CKAP2L: variants seen among roughly 807,000 people sequenced by gnomAD.
CKAP2L encodes cytoskeleton associated protein 2L.
In CKAP2L, 42 loss-of-function variants were observed where a neutral mutation model predicts 65.7. The ratio of observed to expected loss-of-function variants is 0.64; its 90% confidence interval spans 0.50 to 0.83. CKAP2L has a LOEUF of 0.83. Ranked by LOEUF, CKAP2L falls within the 40% of genes least tolerant of loss-of-function variation. CKAP2L has a pLI of 0.00. For synonymous variants in CKAP2L, 325 were observed against 313.5 expected, an observed-to-expected ratio of 1.04 and a Z score of -0.39; for missense variants, 908 against 871.0, an observed-to-expected ratio of 1.04 and a Z score of -0.53.
chr2:112,746,541 G>T lies in CKAP2L; in HGVS notation c.1637C>A (p.Ser546Tyr). Residue 546 changes from serine to tyrosine, a missense_variant, in exon 6 of 9, where the codon TCC (serine) becomes TAC (tyrosine). Coordinates refer to ENST00000302450, the MANE Select transcript of CKAP2L (RefSeq NM_152515.5). The stretch of plus-strand genomic sequence containing the variant: ...AAATTTTTCAGCTTCAGGAATGCTG[G>T]ACAATATGTTAAGTATTTCATTAGA... ...VPSNEILNIL[S>Y]SIPEAEKFAK... 2 of 1,612,992 alleles carry T rather than the reference G, an allele frequency of 1.2e-6. No individual in the cohort carries two copies. The highest frequency in any genetic ancestry group is 1.7e-6 in the Non-Finnish European group (2 of 1,179,290).
chr2:112,750,567 T>A (rs1680342442), intron 5 of CKAP2L, among the ~76,000 whole-genome samples: 1 of 152,204 alleles, frequency 6.6e-6, no homozygotes, highest in South Asian at 2.1e-4. Context: ...CCCTCCCAGT[T>A]TTCCCTGGAG....
intron 1 of CKAP2L, among the ~76,000 whole-genome samples, chr2:112,763,394 A>C (rs562116503): frequency 6.6e-6 from 1 of 152,156 alleles, no homozygotes; most frequent in African/African-American, 2.4e-5. Context: ...TGTTGGTACT[A>C]AGGATAAAAT....
In CKAP2L at chr2:112,755,985, C is replaced by T; in HGVS notation, c.1386G>A (p.Glu462=). Residue 462 remains glutamate, a synonymous_variant, in exon 4 of 9, where the codon GAG becomes GAA. Transcript: ENST00000302450. ...NPNIKKKATA[E]DRRKQLEEWQ... ...GAATTAAAGCAAAGTACCTTCGATC[C>T]TCTGCTGTTGCCTTCTTTTTAATAT... is the stretch of plus-strand genomic sequence containing the variant. The T allele has an allele frequency of 1.3e-6, 2 of 1,572,220 alleles. No homozygotes were observed. Among genetic ancestry groups the T allele is most frequent in the African/African-American group, 2.7e-5 (2 of 72,812 alleles).
At chr2:112,748,066 T>C (rs1680257445) in intron 5 of CKAP2L, among the ~76,000 whole-genome samples, 2 of 152,200 alleles carry the variant, frequency 1.3e-5, no homozygotes, top group African/African-American at 2.4e-5. Flanking sequence ...CTGAAGGATA[T>C]ATCCATTACT....
chr2:112,738,586 T>C lies in CKAP2L; in HGVS notation c.*237A>G. 1 of 520,494 alleles carries C rather than the reference T, an allele frequency of 1.9e-6. No individual in the cohort carries two copies. The highest frequency in any genetic ancestry group is 3.2e-5 in the East Asian group (1 of 30,842). 32.2% of individuals were successfully genotyped at this position (520,494 alleles called of 1,614,324 possible). A position where few individuals can be genotyped will look rare whatever the true frequency, so the allele number is the denominator to read the frequency against. The stretch of plus-strand genomic sequence containing the variant: ...TTTATCATAGTTGTAGGGTAAATAT[T>C]CAAAAGTTTGAAATTTATGTATACT... On this transcript the variant is annotated 3_prime_UTR_variant, in exon 9 of 9. Coordinates refer to ENST00000302450, the MANE Select transcript of CKAP2L (RefSeq NM_152515.5).
At chr2:112,763,094 C>T (rs1680778980) in intron 1 of CKAP2L, among the ~76,000 whole-genome samples, 1 of 152,180 alleles carries the variant, frequency 6.6e-6, no homozygotes, top group African/African-American at 2.4e-5. Flanking sequence ...CCTAAATTTA[C>T]ATTATTGCTT....
intron 1 of CKAP2L, chr2:112,763,908 A>G (rs932811879): frequency 1.3e-5 from 2 of 152,304 alleles, no homozygotes; most frequent in African/African-American, 2.4e-5. Flanking sequence ...CTTGTTATGT[A>G]AAGTGCCTAG....
At chr2:112,761,582 T>C (rs1573240074) in intron 2 of CKAP2L, among the ~76,000 whole-genome samples, 1 of 136,412 alleles carries the variant, frequency 7.3e-6, no homozygotes, top group South Asian at 2.2e-4. Context: ...ACATGAAATA[T>C]AGCTAGTGAG....
intron 6 of CKAP2L, among the ~76,000 whole-genome samples, chr2:112,743,142 T>C (rs759028546): frequency 1.4e-4 from 21 of 152,134 alleles, no homozygotes; most frequent in Admixed American, 3.9e-4. Flanking sequence ...ATTTTATATA[T>C]AGATATAGAT....
In CKAP2L at chr2:112,756,612, A is replaced by G; in HGVS notation, c.759T>C (p.Thr253=). 6.2e-7 allele frequency: 1 copy of G among 1,612,902 alleles called. No homozygotes were observed. Among genetic ancestry groups the G allele is most frequent in the Non-Finnish European group, 8.5e-7 (1 of 1,179,670 alleles). ...AGAGTTGCTGTGATTTTACTGGGAA[A>G]GTCCTGCTTTGTGTTTCTCCAACAA... ...KQFVGETQSR[T]FPVKSQQLSR... is the part of the protein sequence containing the mutation. The change falls in exon 4 of 9, where the codon ACT becomes ACC. Residue 253 remains threonine (T), a synonymous_variant. Transcript: ENST00000302450.
intron 4 of CKAP2L, among the ~76,000 whole-genome samples, chr2:112,755,168 T>C (rs1437588018): frequency 6.6e-6 from 1 of 152,228 alleles, no homozygotes; most frequent in Non-Finnish European, 1.5e-5. Context: ...TATACATATG[T>C]GCTTCTCCTG....
intron 4 of CKAP2L, among the ~76,000 whole-genome samples, chr2:112,754,258 T>A (rs907989556): frequency 6.6e-6 from 1 of 152,194 alleles, no homozygotes; most frequent in Admixed American, 6.5e-5. Context: ...TTTTGGTTTT[T>A]CCAGAATGCC....
In CKAP2L at chr2:112,736,465, GTTTT is replaced by G. The variant is rs909840387; in HGVS notation, c.*2354_*2357del. The G allele has an allele frequency of 2.0e-5, 3 of 152,086 alleles. No individual in the cohort carries two copies. Among genetic ancestry groups the G allele is most frequent in the Admixed American group, 6.6e-5 (1 of 15,266 alleles). 9.4% of individuals were successfully genotyped at this position (152,086 alleles called of 1,614,324 possible). The stretch of plus-strand genomic sequence containing the variant: ...GAAGCAGATTAACATTATCATCTCA[GTTTT>G]TTTGTGATAATAGCAGCTAAAATCT... On this transcript the variant is annotated 3_prime_UTR_variant, in exon 9 of 9. Transcript: ENST00000302450.
chr2:112,740,594 T>C lies in CKAP2L; in HGVS notation c.2012+224A>G, dbSNP rs568131854. ...AACCATACCCAGCTGTGTCAGGACTTGCAGGAAAGGCAGATAGGATCTGCA... is the reference window on the plus strand; with the variant it reads ...AACCATACCCAGCTGTGTCAGGACTCGCAGGAAAGGCAGATAGGATCTGCA... On this transcript the variant is annotated intron_variant, in intron 8 of 8. Transcript: ENST00000302450. Among the ~76,000 whole-genome samples, 223 of 152,248 alleles carry C rather than the reference T, an allele frequency of 1.5e-3. No homozygotes were observed. The highest frequency in any genetic ancestry group is 2.6e-3 in the Non-Finnish European group (178 of 68,020).
In CKAP2L at chr2:112,756,865, A is replaced by G. The variant is rs1680557827; in HGVS notation, c.506T>C (p.Ile169Thr). ...ATCCAAAGATTCGTTTTCAACATGG[A>G]TATTATTCATAAAGTCTATACATTT... ...NGKCIDFMNN[I>T]HVENESLDNF... The change falls in exon 4 of 9, where the codon ATC becomes ACC. Residue 169 changes from isoleucine to threonine, a missense_variant. Coordinates refer to ENST00000302450, the MANE Select transcript of CKAP2L (RefSeq NM_152515.5). 1.2e-6 allele frequency: 2 copies of G among 1,607,272 alleles called. No homozygotes were observed. Among genetic ancestry groups the G allele is most frequent in the African/African-American group, 1.3e-5 (1 of 74,292 alleles).
intron 4 of CKAP2L, among the ~76,000 whole-genome samples, chr2:112,755,287 T>C (rs1173664505): frequency 6.6e-6 from 1 of 152,196 alleles, no homozygotes; most frequent in African/African-American, 2.4e-5. Context: ...ACCTGAGATC[T>C]TGATTTCCAC....
intron 4 of CKAP2L, among the ~76,000 whole-genome samples, chr2:112,754,486 G>A (rs1015016791): frequency 6.6e-6 from 1 of 152,256 alleles, no homozygotes; most frequent in Admixed American, 6.5e-5. Context: ...CATAAACGAA[G>A]AGTGAACTTT....
intron 2 of CKAP2L, among the ~76,000 whole-genome samples, chr2:112,761,186 C>T (rs1680709511): frequency 6.6e-6 from 1 of 151,954 alleles, no homozygotes; most frequent in Non-Finnish European, 1.5e-5. Flanking sequence ...TCCGGCTGGG[C>T]GTAGTGGCTC....
At position 112,764,193 on chromosome 2, in the gene CKAP2L, C is replaced by A. The variant is rs577737029; in HGVS notation, c.37+369G>T. On this transcript the variant is annotated intron_variant, in intron 1 of 8. Coordinates refer to ENST00000302450, the MANE Select transcript of CKAP2L (RefSeq NM_152515.5). ...GCCTCCTGGCACAGAGGACCACGCC[C>A]GGCTCTGCCTGGAGCCAAATGTGGA... The A allele has an allele frequency of 2.0e-5, 6 of 297,572 alleles. No homozygotes were observed. The South Asian group carries it at 2.0e-4, about 10-fold the overall frequency. The allele number at this position is 297,572 out of a possible 1,614,324, so 18.4% of individuals were successfully genotyped here.
Sources: gnomAD v4.1 joint callset for allele counts (sites outside exome capture counted in the v4.1 genomes callset) on GRCh38, gnomAD v4.1.1 for gene constraint, MANE v1.5 for transcripts, NCBI Gene and HGNC (gene_info 2026-07-23, HGNC 2026-07-21) for gene names.